The following MTUS2 variants were observed in gnomAD, a reference collection of about 807,000 sequenced individuals.
MTUS2 encodes microtubule-associated tumor suppressor candidate 2.
In MTUS2, 40 loss-of-function variants were observed where a neutral mutation model predicts 114.1. That is an observed-to-expected ratio of 0.35 (90% CI 0.27 to 0.46). The LOEUF (loss-of-function observed/expected upper bound fraction) is 0.46. MTUS2 is among the 20% of genes least tolerant of loss of function. The probability of loss-of-function intolerance (pLI) is 1.00; values close to 1 mark genes in which losing one functional copy is unlikely to be tolerated. For missense variants in MTUS2, 1,679 were observed against 1,705.4 expected (o/e 0.98, Z 0.27); for synonymous variants, 688 against 672.0 (o/e 1.02, Z -0.37).
At chr13:29,250,131 A>G (rs1276751943) in intron 5 of MTUS2, among the ~76,000 whole-genome samples, 1 of 152,160 alleles carries the variant, frequency 6.6e-6, no homozygotes, top group Non-Finnish European at 1.5e-5. Context: ...AAATAATAAA[A>G]TAAAATAAAA....
intron 2 of MTUS2, among the ~76,000 whole-genome samples, chr13:29,016,357 T>C (rs1456989283): frequency 6.6e-6 from 1 of 152,182 alleles, no homozygotes; most frequent in Non-Finnish European, 1.5e-5. Context: ...AAGGACTTTT[T>C]TTTTTTTTTA....
At position 28,967,245 on chromosome 13, in the gene MTUS2, C is replaced by T. The variant is rs192689524; in HGVS notation, c.-242-57212C>T. 1.8e-3 allele frequency among the ~76,000 whole-genome samples: 279 copies of T among 152,266 alleles called. 1 individual carries two copies. The highest frequency in any genetic ancestry group is 6.2e-3 in the African/African-American group (257 of 41,544). ...TTTTGCTTTGAACATGTAGCACACC[C>T]TGGGCCTGACTACTATATTAATATT... On this transcript the variant is annotated intron_variant, in intron 2 of 15. Coordinates refer to ENST00000612955, the MANE Select transcript of MTUS2 (RefSeq NM_001033602.4).
chr13:28,946,842 C>A lies in MTUS2; in HGVS notation c.-242-77615C>A, dbSNP rs77021259. On this transcript the variant is annotated intron_variant, in intron 2 of 15. Transcript: ENST00000612955. ...TTGGATTCCAGGTGGAGCCACCACA[C>A]CTGACCAGTCACCAGTTTTTAACTC... 8.6e-3 allele frequency among the ~76,000 whole-genome samples: 1,309 copies of A among 152,244 alleles called. 22 individuals are homozygous for A. The highest frequency in any genetic ancestry group is 0.029 in the African/African-American group (1,194 of 41,548).
At chr13:29,343,334 T>C (rs1488161915) in intron 7 of MTUS2, among the ~76,000 whole-genome samples, 1 of 152,108 alleles carries the variant, frequency 6.6e-6, no homozygotes, top group African/African-American at 2.4e-5. Context: ...ATCTTGCTGC[T>C]TATTACTGGT....
In MTUS2 at chr13:28,933,107, T is replaced by C. The variant is rs546266352; in HGVS notation, c.-242-91350T>C. Reference sequence around the variant, plus strand: ...AATGTATATATTAGTGTAGGTTCTCTGGAGAATCAGAACACACACACACAC... The same window carrying C: ...AATGTATATATTAGTGTAGGTTCTCCGGAGAATCAGAACACACACACACAC... On this transcript the variant is annotated intron_variant, in intron 2 of 15. Transcript: ENST00000612955. Among the ~76,000 whole-genome samples the C allele has an allele frequency of 2.4e-3, 350 of 143,018 alleles. 2 individuals carry two copies. Among genetic ancestry groups the C allele is most frequent in the Non-Finnish European group, 4.3e-3 (282 of 66,092 alleles). 93.8% of individuals were successfully genotyped at this position (143,018 alleles called of 152,430 possible).
chr13:29,274,570 A>C (rs930578928), intron 5 of MTUS2, among the ~76,000 whole-genome samples: 2 of 152,084 alleles, frequency 1.3e-5, no homozygotes, highest in Non-Finnish European at 2.9e-5. Flanking sequence ...GCTGGGTTTG[A>C]AGTGGTATCT....
In MTUS2 at chr13:29,503,327, C is replaced by A; in HGVS notation, c.*121C>A. On this transcript the variant is annotated 3_prime_UTR_variant, in exon 16 of 16. Transcript: ENST00000612955. Reference sequence around the variant, plus strand: ...GCATGCTCAGTAGCTGCGAATGCATCCTAGGCGCGTCCTCCTCTGATCCCC... The same window carrying A: ...GCATGCTCAGTAGCTGCGAATGCATACTAGGCGCGTCCTCCTCTGATCCCC... 3 of 1,093,136 alleles carry A rather than the reference C, an allele frequency of 2.7e-6. No homozygotes were observed. The highest frequency in any genetic ancestry group is 1.4e-5 in the South Asian group (1 of 69,922). 67.7% of individuals were successfully genotyped at this position (1,093,136 alleles called of 1,614,324 possible).
intron 5 of MTUS2, among the ~76,000 whole-genome samples, chr13:29,272,967 A>G (rs1467406913): frequency 6.6e-6 from 1 of 151,888 alleles, no homozygotes; most frequent in African/African-American, 2.4e-5. Context: ...CTCATATGGC[A>G]GAAGGAATGT....
At chr13:29,302,589 T>C (rs930213733) in intron 6 of MTUS2, among the ~76,000 whole-genome samples, 2 of 152,156 alleles carry the variant, frequency 1.3e-5, no homozygotes, top group African/African-American at 4.8e-5. Context: ...CCATGGCACC[T>C]CACAACTTAA....
chr13:29,115,487 A>G (rs1462293731), intron 5 of MTUS2, among the ~76,000 whole-genome samples: 8 of 152,244 alleles, frequency 5.3e-5, no homozygotes, highest in Admixed American at 4.6e-4. Context: ...TGGAGTAACC[A>G]ATAACCAGAC....
chr13:29,471,309 C>G (rs1333650717), intron 9 of MTUS2, among the ~76,000 whole-genome samples: 1 of 152,032 alleles, frequency 6.6e-6, no homozygotes, highest in African/African-American at 2.4e-5. Flanking sequence ...CATCACTGCA[C>G]TCCAGCAACA....
At chr13:28,887,926 C>T (rs1878686237) in intron 2 of MTUS2, among the ~76,000 whole-genome samples, 1 of 152,190 alleles carries the variant, frequency 6.6e-6, no homozygotes, top group Admixed American at 6.5e-5. Context: ...GTCCTAAACT[C>T]TAAGAAGTAT....
At chr13:29,501,050 G>T (rs376350835) in intron 14 of MTUS2, 47 bp from the exon 15 acceptor site, 3 of 1,540,784 alleles carry the variant, frequency 1.9e-6, no homozygotes, top group Non-Finnish European at 2.7e-6. Context: ...GTTTACTCCC[G>T]ATTTTATGGC....
chr13:29,378,588 A>G (rs1354702617), intron 8 of MTUS2, among the ~76,000 whole-genome samples: 5 of 152,076 alleles, frequency 3.3e-5, no homozygotes, highest in Admixed American at 3.3e-4. Context: ...TCTCAGCTTC[A>G]CTCTGAAAAG....
At chr13:29,459,232 G>A (rs998036024) in intron 9 of MTUS2, among the ~76,000 whole-genome samples, 14 of 152,140 alleles carry the variant, frequency 9.2e-5, no homozygotes, top group African/African-American at 2.9e-4. Context: ...AGATGAGGAC[G>A]GCGGGGGTAT....
intron 5 of MTUS2, among the ~76,000 whole-genome samples, chr13:29,146,123 G>T (rs999196709): frequency 6.6e-6 from 1 of 152,142 alleles, no homozygotes; most frequent in East Asian, 1.9e-4. Context: ...TTAAAATAAA[G>T]TATCAAATAA....
In MTUS2 at chr13:28,820,611, G is replaced by A. The variant is rs1204440695; in HGVS notation, c.-316G>A. ...ATCTTTCTTGGCTCTTTTTGACCCA[G>A]GTGAGCGAATCCTCTGCTGCGCGGT... is the stretch of plus-strand genomic sequence containing the variant. On this transcript the variant is annotated splice_region_variant and 5_prime_UTR_variant, in exon 1 of 16. Coordinates refer to ENST00000612955, the MANE Select transcript of MTUS2 (RefSeq NM_001033602.4). The A allele has an allele frequency of 1.3e-5, 2 of 152,246 alleles. No individual in the cohort carries two copies. The highest frequency in any genetic ancestry group is 4.8e-5 in the African/African-American group (2 of 41,432). 9.4% of individuals were successfully genotyped at this position (152,246 alleles called of 1,614,324 possible).
At chr13:29,082,638 G>T (rs1042715271) in intron 4 of MTUS2, among the ~76,000 whole-genome samples, 2 of 152,114 alleles carry the variant, frequency 1.3e-5, no homozygotes, top group South Asian at 4.1e-4. Context: ...TAGCAAAGAG[G>T]CCTCAATAGC....
chr13:29,038,979 T>C (rs1349669155), intron 4 of MTUS2, among the ~76,000 whole-genome samples: 1 of 152,214 alleles, frequency 6.6e-6, no homozygotes, highest in African/African-American at 2.4e-5. Flanking sequence ...CTCGGAAAAG[T>C]CTGGCCCGGT....
Sources: allele counts gnomAD v4.1 joint callset (sites outside exome capture counted in the v4.1 genomes callset), GRCh38; gene constraint gnomAD v4.1.1; transcripts MANE v1.5; gene names NCBI Gene and HGNC (gene_info 2026-07-23, HGNC 2026-07-21).